Variants in FHIT observed in about 807,000 individuals in gnomAD.
FHIT encodes the protein fragile histidine triad diadenosine triphosphatase.
FHIT carries 19 observed loss-of-function variants against 17.9 expected under a neutral mutation model. The ratio of observed to expected loss-of-function variants is 1.06; its 90% CI spans 0.74 to 1.56. FHIT has a LOEUF of 1.56. Among genes scored for constraint, FHIT ranks in the 40% most tolerant of loss-of-function variants. The probability of loss-of-function intolerance (pLI) is 0.00; values close to 1 mark genes in which losing one functional copy is unlikely to be tolerated. For missense variants in FHIT, 248 were observed against 189.2 expected, an observed-to-expected ratio of 1.31 and a Z score of -1.82; for synonymous variants, 81 against 69.7, an observed-to-expected ratio of 1.16 and a Z score of -0.81.
chr3:60,578,252 C>T lies in FHIT; in HGVS notation c.-17-41273G>A, dbSNP rs187356040. ...AAGATATTGAGACCATCCTGGCCAA[C>T]ATGGTGAATCCCTGTCTCTACTAAA... On this transcript the variant is annotated intron_variant, in intron 4 of 9. Coordinates refer to ENST00000492590, the MANE Select transcript of FHIT (RefSeq NM_002012.4). 3.3e-5 allele frequency among the ~76,000 whole-genome samples: 5 copies of T among 152,180 alleles called. No homozygotes were observed. In the East Asian group the frequency reaches 9.7e-4, roughly 30 times the overall value.
chr3:59,995,261 T>G (rs754066049), intron 7 of FHIT, among the ~76,000 whole-genome samples: 1 of 152,078 alleles, frequency 6.6e-6, no homozygotes, highest in Non-Finnish European at 1.5e-5. Flanking sequence ...CAAATTCAAT[T>G]CTAACTCTAT....
At chr3:61,052,365 C>T (rs2034058312) in intron 2 of FHIT, among the ~76,000 whole-genome samples, 1 of 152,108 alleles carries the variant, frequency 6.6e-6, no homozygotes, top group Non-Finnish European at 1.5e-5. Flanking sequence ...TGCTAACTGG[C>T]CCAAGTTCGA....
At chr3:60,521,341 A>G (rs2461613) in intron 5 of FHIT, among the ~76,000 whole-genome samples, 116,103 of 151,828 alleles carry the variant, frequency 0.76, 44,497 homozygotes, top group Admixed American at 0.81. Context: ...TCCGCCTCCC[A>G]GATTCACGCC....
chr3:59,834,800 T>C (rs1287434022), intron 8 of FHIT, among the ~76,000 whole-genome samples: 3 of 152,154 alleles, frequency 2.0e-5, no homozygotes, highest in South Asian at 2.1e-4. Context: ...CTATAACAGA[T>C]AGACAGATAT....
rs542662536 is a variant in FHIT, at chr3:60,073,595, C to T, written c.104-59443G>A. 2.0e-5 allele frequency among the ~76,000 whole-genome samples: 3 copies of T among 152,224 alleles called. No homozygotes were observed. In the South Asian group the frequency reaches 6.2e-4, roughly 32 times the overall value. ...ATTAATTACCTTGCTTCTCTAACCC[C>T]TCATCGTTTTCAGCCCCAAACAATC... On this transcript the variant is annotated intron_variant, in intron 5 of 9. Coordinates refer to ENST00000492590, the MANE Select transcript of FHIT (RefSeq NM_002012.4).
intron 5 of FHIT, among the ~76,000 whole-genome samples, chr3:60,253,747 CA>C (rs1477752525): frequency 1.3e-5 from 2 of 152,182 alleles, no homozygotes; most frequent in African/African-American, 4.8e-5. Context: ...ACCTTCTTAT[CA>C]GCCAATATGT....
intron 5 of FHIT, among the ~76,000 whole-genome samples, chr3:60,298,400 A>G (rs982596540): frequency 1.4e-4 from 22 of 152,060 alleles, no homozygotes; most frequent in African/African-American, 5.3e-4. Context: ...AAACACTCTT[A>G]TCTCCAGAGA....
chr3:60,095,362 T>C (rs924428807), intron 5 of FHIT, among the ~76,000 whole-genome samples: 4 of 152,208 alleles, frequency 2.6e-5, no homozygotes, highest in Admixed American at 6.5e-5. Flanking sequence ...ACCTTCTCTA[T>C]TTATTCTAAG....
intron 5 of FHIT, among the ~76,000 whole-genome samples, chr3:60,382,229 C>T (rs553484447): frequency 1.2e-4 from 19 of 152,294 alleles, no homozygotes; most frequent in East Asian, 5.8e-4. Context: ...ACATCTCTTG[C>T]GGACATAGAA....
chr3:60,634,398 G>C (rs563880647), intron 4 of FHIT, among the ~76,000 whole-genome samples: 3 of 152,326 alleles, frequency 2.0e-5, no homozygotes, highest in Non-Finnish European at 4.4e-5. Flanking sequence ...TGCCCGAGTA[G>C]GGCAGTTGGC....
At chr3:60,158,166 G>A (rs1192356901) in intron 5 of FHIT, among the ~76,000 whole-genome samples, 1 of 152,114 alleles carries the variant, frequency 6.6e-6, no homozygotes, top group Non-Finnish European at 1.5e-5. Flanking sequence ...ACATATAGCT[G>A]GGCCTCACTG....
chr3:61,119,180 A>C (rs1280279218), intron 2 of FHIT, among the ~76,000 whole-genome samples: 1 of 152,128 alleles, frequency 6.6e-6, no homozygotes, highest in African/African-American at 2.4e-5. Flanking sequence ...CACTTCAGCC[A>C]GGTCATTCAT....
chr3:60,672,805 T>TA (rs781797557), intron 4 of FHIT, among the ~76,000 whole-genome samples: 1 of 151,844 alleles, frequency 6.6e-6, no homozygotes, highest in Non-Finnish European at 1.5e-5. Flanking sequence ...TTCTTTCTGT[T>TA]AAAATGCATA....
At chr3:59,798,869 G>A (rs565449480) in intron 8 of FHIT, among the ~76,000 whole-genome samples, 2 of 152,356 alleles carry the variant, frequency 1.3e-5, no homozygotes, top group Non-Finnish European at 2.9e-5. Context: ...GGCTGGCAGA[G>A]AGTAAGGGCT....
intron 5 of FHIT, among the ~76,000 whole-genome samples, chr3:60,236,196 G>C (rs1704776078): frequency 1.3e-5 from 2 of 151,028 alleles, no homozygotes; most frequent in South Asian, 2.1e-4. Flanking sequence ...TAAGTGGTTT[G>C]ACCTTGCTGG....
chr3:61,196,238 AG>A (rs1422850035), intron 2 of FHIT, among the ~76,000 whole-genome samples: 9 of 152,182 alleles, frequency 5.9e-5, no homozygotes, highest in Admixed American at 2.6e-4. Flanking sequence ...GGTAGAAAGA[AG>A]GCATAGATGT....
intron 2 of FHIT, among the ~76,000 whole-genome samples, chr3:61,194,079 G>C (rs1355789209): frequency 6.6e-6 from 1 of 152,090 alleles, no homozygotes; most frequent in East Asian, 1.9e-4. Context: ...AGCAAGGCCT[G>C]ACTATTCAGA....
intron 5 of FHIT, among the ~76,000 whole-genome samples, chr3:60,479,524 T>C (rs1411326410): frequency 6.6e-6 from 1 of 152,180 alleles, no homozygotes; most frequent in African/African-American, 2.4e-5. Flanking sequence ...ACTTATGTGT[T>C]TGCAGTGATG....
intron 3 of FHIT, among the ~76,000 whole-genome samples, chr3:61,017,778 T>C (rs1464619443): frequency 6.6e-6 from 1 of 152,246 alleles, no homozygotes; most frequent in East Asian, 1.9e-4. Context: ...CATTGATTTA[T>C]TCTTTAATAT....
Sources: gnomAD v4.1 joint callset for allele counts (sites outside exome capture counted in the v4.1 genomes callset) on GRCh38, gnomAD v4.1.1 for gene constraint, MANE v1.5 for transcripts, NCBI Gene and HGNC (gene_info 2026-07-23, HGNC 2026-07-21) for gene names.